Variants in PCOLCE2 observed in about 807,000 individuals in gnomAD.
PCOLCE2 encodes procollagen C-proteinase enhancer 2.
Under a neutral mutation model 47.0 loss-of-function variants are expected in PCOLCE2, and 42 were observed. The observed-to-expected ratio is 0.89, with a 90% CI of 0.70 to 1.16. The LOEUF is 1.16. Ranked by LOEUF, PCOLCE2 falls within the 50% of genes most tolerant of loss-of-function variation. PCOLCE2 has a pLI of 0.00. For synonymous variants in PCOLCE2, 169 were observed against 191.7 expected (o/e 0.88, Z 0.98); for missense variants, 500 against 526.1 (o/e 0.95, Z 0.49).
rs116840668 is a variant in PCOLCE2 at position 142,868,978 on chromosome 3, G to A, written c.192+18691C>T. On this transcript the variant is annotated intron_variant, in intron 2 of 8. Coordinates refer to ENST00000295992, the MANE Select transcript of PCOLCE2 (RefSeq NM_013363.4). The stretch of plus-strand genomic sequence containing the variant: ...TCCTCCCTTTGGAATCCAGGCACAG[G>A]TGACCAGCATTAATATTAAAACAGA... 9.9e-3 allele frequency among the ~76,000 whole-genome samples: 1,502 copies of A among 152,050 alleles called. 26 individuals carry two copies. The highest frequency in any genetic ancestry group is 0.035 in the African/African-American group (1,440 of 41,400).
intron 2 of PCOLCE2, among the ~76,000 whole-genome samples, chr3:142,871,006 A>G (rs971069719): frequency 6.6e-6 from 1 of 152,172 alleles, no homozygotes; most frequent in African/African-American, 2.4e-5. Flanking sequence ...GGTCTAATGT[A>G]TAGCTGAGCT....
At chr3:142,826,094 T>A (rs1002991643) in intron 6 of PCOLCE2, among the ~76,000 whole-genome samples, 9 of 151,920 alleles carry the variant, frequency 5.9e-5, no homozygotes, top group Non-Finnish European at 1.0e-4. Flanking sequence ...AAACTCCGCA[T>A]CCTGGGTCCA....
rs1272497 is a variant in PCOLCE2 at position 142,817,978 on chromosome 3, T to C, written c.*357A>G. ...GTGAAACAAATAACACTATAAATAT[T>C]GCACTTCTAAAATCTTTTTTTGACA... On this transcript the variant is annotated 3_prime_UTR_variant, in exon 9 of 9. Coordinates refer to ENST00000295992, the MANE Select transcript of PCOLCE2 (RefSeq NM_013363.4). The C allele has an allele frequency of 4.8e-3, 836 of 175,650 alleles. 4 individuals are homozygous for C. The highest frequency in any genetic ancestry group is 6.4e-3 in the Non-Finnish European group (514 of 80,834). 10.9% of individuals were successfully genotyped at this position (175,650 alleles called of 1,614,324 possible).
chr3:142,843,549 T>A (rs1937291819), intron 3 of PCOLCE2, among the ~76,000 whole-genome samples: 1 of 151,272 alleles, frequency 6.6e-6, no homozygotes, highest in Admixed American at 6.6e-5. Flanking sequence ...AAAATAATAT[T>A]TACAAATTTT....
chr3:142,836,462 C>T (rs1341839591), intron 5 of PCOLCE2, among the ~76,000 whole-genome samples: 3 of 152,238 alleles, frequency 2.0e-5, no homozygotes, highest in African/African-American at 7.2e-5. Context: ...GCATGTGCTT[C>T]TCTCTCTGGC....
intron 3 of PCOLCE2, among the ~76,000 whole-genome samples, chr3:142,846,223 G>A (rs1937326859): frequency 1.3e-5 from 2 of 151,968 alleles, no homozygotes; most frequent in African/African-American, 2.4e-5. Flanking sequence ...TTTTTAGATG[G>A]AATCTCGCTC....
chr3:142,842,828 T>C lies in PCOLCE2; in HGVS notation c.573+96A>G, dbSNP rs1196358713. 2.4e-5 allele frequency: 28 copies of C among 1,168,624 alleles called. No individual in the cohort carries two copies. The highest frequency in any genetic ancestry group is 9.7e-5 in the Admixed American group (5 of 51,504). 72.4% of individuals were successfully genotyped at this position (1,168,624 alleles called of 1,614,324 possible). Reference sequence around the variant, plus strand: ...CTTCTTGTATCCCTTAGCTCTCGAATAGCCCCCACAACAGGAGGCTCTTGA... The same window carrying C: ...CTTCTTGTATCCCTTAGCTCTCGAACAGCCCCCACAACAGGAGGCTCTTGA... On this transcript the variant is annotated intron_variant, in intron 4 of 8. Coordinates refer to ENST00000295992, the MANE Select transcript of PCOLCE2 (RefSeq NM_013363.4). The surrounding 1 kb of genome is among the most constrained non-coding windows in gnomAD (Gnocchi z 4.1).
At chr3:142,883,173 T>C (rs1175347002) in intron 2 of PCOLCE2, among the ~76,000 whole-genome samples, 1 of 117,438 alleles carries the variant, frequency 8.5e-6, no homozygotes, top group African/African-American at 3.4e-5. Context: ...CACTCCAGCC[T>C]AGGCAACAGA....
chr3:142,869,109 G>T (rs1933335558), intron 2 of PCOLCE2, among the ~76,000 whole-genome samples: 1 of 151,962 alleles, frequency 6.6e-6, no homozygotes, highest in Admixed American at 6.6e-5. Context: ...GGCTAACACG[G>T]TGAAACCCCA....
chr3:142,835,638 C>T (rs1937194811), intron 5 of PCOLCE2, among the ~76,000 whole-genome samples: 1 of 151,948 alleles, frequency 6.6e-6, no homozygotes, highest in Non-Finnish European at 1.5e-5. Flanking sequence ...ACCATCTTAT[C>T]TTGTACTTTT....
chr3:142,858,423 T>C (rs757489639), intron 2 of PCOLCE2, among the ~76,000 whole-genome samples: 12 of 152,266 alleles, frequency 7.9e-5, no homozygotes, highest in Non-Finnish European at 1.3e-4. Flanking sequence ...GGATTTTCTT[T>C]GCTATTTATT....
intron 2 of PCOLCE2, among the ~76,000 whole-genome samples, chr3:142,884,586 A>C (rs1307752097): frequency 6.6e-6 from 1 of 152,210 alleles, no homozygotes; most frequent in Non-Finnish European, 1.5e-5. Context: ...CTAAGCATAC[A>C]TTTTTGAGAA....
At chr3:142,847,369 C>G (rs1181620225) in intron 3 of PCOLCE2, among the ~76,000 whole-genome samples, 1 of 152,196 alleles carries the variant, frequency 6.6e-6, no homozygotes, top group Admixed American at 6.5e-5. Context: ...GTCCTCTGAC[C>G]TTTCAAGTAA....
At chr3:142,821,913 TTTG>T (rs1426210676) in intron 7 of PCOLCE2, among the ~76,000 whole-genome samples, 4 of 151,976 alleles carry the variant, frequency 2.6e-5, no homozygotes, top group South Asian at 2.1e-4. Flanking sequence ...ACAGTTTTTT[TTTG>T]TTGTTGTTGT....
chr3:142,873,545 A>G (rs1933436231), intron 2 of PCOLCE2, among the ~76,000 whole-genome samples: 1 of 152,252 alleles, frequency 6.6e-6, no homozygotes, highest in Admixed American at 6.5e-5. Flanking sequence ...CAAAGTTAAC[A>G]CTAAAATTGC....
chr3:142,879,781 A>T (rs559420659), intron 2 of PCOLCE2, among the ~76,000 whole-genome samples: 5 of 151,898 alleles, frequency 3.3e-5, no homozygotes. Context: ...CATCCTGGCT[A>T]ACACGGTGAA....
intron 8 of PCOLCE2, among the ~76,000 whole-genome samples, chr3:142,819,884 A>G (rs1033424040): frequency 3.3e-5 from 5 of 151,836 alleles, no homozygotes; most frequent in Non-Finnish European, 7.4e-5. Context: ...GGCTGAAGCA[A>G]TCCTCCCATC....
In PCOLCE2 at chr3:142,829,810, C is replaced by G. The variant is rs755436146; in HGVS notation, c.747G>C (p.Gln249His). ...IVSERNELLI[Q>H]FLSDLSLTAD... ...CAGTTAAACTTAAGTCTGATAAAAA[C>G]TGAATAAGAAGTTCATTTCTCTCAG... is the stretch of plus-strand genomic sequence containing the variant. Residue 249 changes from glutamine to histidine, a missense_variant, in exon 6 of 9, where the codon CAG becomes CAC. Transcript: ENST00000295992. The G allele has an allele frequency of 5.0e-6, 8 of 1,597,972 alleles. No homozygotes were observed. The East Asian group carries it at 1.3e-4, about 27-fold the overall frequency.
intron 7 of PCOLCE2, among the ~76,000 whole-genome samples, chr3:142,821,815 A>C (rs1002718449): frequency 6.6e-6 from 1 of 151,946 alleles, no homozygotes; most frequent in Non-Finnish European, 1.5e-5. Flanking sequence ...CACAGAAGGA[A>C]AGATGTTGTC....
Sources: allele counts gnomAD v4.1 joint callset (sites outside exome capture counted in the v4.1 genomes callset), GRCh38; gene constraint gnomAD v4.1.1; non-coding constraint Gnocchi (gnomAD v3.1); transcripts MANE v1.5; gene names NCBI Gene and HGNC (gene_info 2026-07-23, HGNC 2026-07-21).